Variants in PAK5 observed in about 807,000 individuals in gnomAD.
The protein encoded by PAK5 is serine/threonine-protein kinase PAK 5.
In PAK5, 16 loss-of-function variants were observed where a neutral mutation model predicts 65.9. The ratio of observed to expected loss-of-function variants is 0.24; its 90% CI spans 0.16 to 0.37. The LOEUF (loss-of-function observed/expected upper bound fraction) is 0.37, where lower values mean the gene tolerates loss of function less well. PAK5 is among the 10% of genes least tolerant of loss of function. The pLI is 1.00. For missense variants in PAK5, 785 were observed against 903.9 expected (o/e 0.87, Z 1.69); for synonymous variants, 371 against 354.9 (o/e 1.05, Z -0.51).
chr20:9,597,945 A>G (rs918991048), intron 3 of PAK5, among the ~76,000 whole-genome samples: 2 of 152,350 alleles, frequency 1.3e-5, no homozygotes, highest in South Asian at 2.1e-4. Context: ...GAGGAACAAT[A>G]AACAGTTTTT....
chr20:9,729,723 C>A (rs2048314792), intron 1 of PAK5, among the ~76,000 whole-genome samples: 1 of 152,164 alleles, frequency 6.6e-6, no homozygotes, highest in African/African-American at 2.4e-5. Context: ...ATATATCTAT[C>A]CCCACTGCAG....
chr20:9,688,192 G>A (rs1371923304), intron 2 of PAK5, among the ~76,000 whole-genome samples: 10 of 152,032 alleles, frequency 6.6e-5, no homozygotes, highest in African/African-American at 2.4e-4. Context: ...TTTAAACAGA[G>A]GGCAGACTTT....
At chr20:9,793,494 C>A (rs1235829448) in intron 1 of PAK5, among the ~76,000 whole-genome samples, 2 of 151,960 alleles carry the variant, frequency 1.3e-5, no homozygotes. Flanking sequence ...GAATTCATAT[C>A]CTTTGCCCAC....
intron 1 of PAK5, among the ~76,000 whole-genome samples, chr20:9,738,439 T>C (rs1248328565): frequency 6.6e-6 from 1 of 152,186 alleles, no homozygotes; most frequent in Non-Finnish European, 1.5e-5. Context: ...GGTGAATGTA[T>C]AAACAACTTG....
rs573193841 is a variant in PAK5, at chr20:9,773,581, T to C, written c.-161-62146A>G. Among the ~76,000 whole-genome samples the C allele has an allele frequency of 1.2e-4, 19 of 152,210 alleles. 1 individual carries two copies. The South Asian group carries it at 3.9e-3, about 32-fold the overall frequency. ...AGCCAAGTTACACATTGACTTGATG[T>C]GGCTAGGAAGTATATGAGAAAGAGA... On this transcript the variant is annotated intron_variant, in intron 1 of 9. Coordinates refer to ENST00000353224, the MANE Select transcript of PAK5 (RefSeq NM_177990.4).
chr20:9,743,351 CAGAT>C (rs1407808292), intron 1 of PAK5, among the ~76,000 whole-genome samples: 3 of 151,070 alleles, frequency 2.0e-5, no homozygotes, highest in Admixed American at 6.6e-5. Context: ...GCATGGGTGA[CAGAT>C]AGAGCAAGAC....
chr20:9,719,868 G>A (rs2048193990), intron 1 of PAK5, among the ~76,000 whole-genome samples: 1 of 152,120 alleles, frequency 6.6e-6, no homozygotes, highest in South Asian at 2.1e-4. Context: ...ATACTGTAAG[G>A]TACTACACAA....
At chr20:9,591,825 T>C (rs2046176943) in intron 3 of PAK5, among the ~76,000 whole-genome samples, 1 of 152,176 alleles carries the variant, frequency 6.6e-6, no homozygotes, top group Non-Finnish European at 1.5e-5. Flanking sequence ...TAAATTTAAA[T>C]TTCTGTTGTT....
intron 2 of PAK5, among the ~76,000 whole-genome samples, chr20:9,675,306 C>G (rs943892445): frequency 1.3e-5 from 2 of 152,092 alleles, no homozygotes; most frequent in Non-Finnish European, 2.9e-5. Flanking sequence ...AGAGGAGATT[C>G]TTTTCTAATG....
intron 6 of PAK5, among the ~76,000 whole-genome samples, chr20:9,558,652 C>T (rs887675753): frequency 6.6e-6 from 1 of 152,188 alleles, no homozygotes; most frequent in African/African-American, 2.4e-5. Flanking sequence ...CTGGGACCCA[C>T]CCTACTTCCC....
chr20:9,817,820 AT>A (rs2049375726), intron 1 of PAK5, among the ~76,000 whole-genome samples: 1 of 152,146 alleles, frequency 6.6e-6, no homozygotes, highest in African/African-American at 2.4e-5. Context: ...ACACTCTATG[AT>A]TTATGTCAAA....
At chr20:9,544,566 A>G in intron 7 of PAK5, 72 bp from the exon 8 acceptor site, 2 of 1,407,682 alleles carry the variant, frequency 1.4e-6, no homozygotes, top group Non-Finnish European at 2.0e-6. Flanking sequence ...ATACAAACAT[A>G]CAGAGTTTCA....
At chr20:9,749,650 A>G (rs931063815) in intron 1 of PAK5, among the ~76,000 whole-genome samples, 1 of 152,196 alleles carries the variant, frequency 6.6e-6, no homozygotes, top group Non-Finnish European at 1.5e-5. Context: ...CCTGCCTTTT[A>G]TAATATTTAT....
chr20:9,750,966 A>G (rs1178209851), intron 1 of PAK5, among the ~76,000 whole-genome samples: 1 of 152,188 alleles, frequency 6.6e-6, no homozygotes, highest in Admixed American at 6.5e-5. Flanking sequence ...GAAAGTTGAC[A>G]GTGTATGGCA....
chr20:9,537,832 G>A lies in PAK5; in HGVS notation c.*1630C>T, dbSNP rs1322683354. On this transcript the variant is annotated 3_prime_UTR_variant, in exon 10 of 10. Coordinates refer to ENST00000353224, the MANE Select transcript of PAK5 (RefSeq NM_177990.4). ...TTATGGAGGCATTTCCAGTTTGAAA[G>A]AAAACTGAAAATCTAATCAGTAGAA... The A allele has an allele frequency of 2.2e-5, 5 of 225,538 alleles. No individual in the cohort carries two copies. In the East Asian group the frequency reaches 3.2e-4, roughly 15 times the overall value. 14.0% of individuals were successfully genotyped at this position (225,538 alleles called of 1,614,324 possible).
intron 1 of PAK5, among the ~76,000 whole-genome samples, chr20:9,780,658 C>T (rs2048931684): frequency 6.6e-6 from 1 of 151,870 alleles, no homozygotes; most frequent in Non-Finnish European, 1.5e-5. Context: ...TAGTTATTTT[C>T]CTCCCATACC....
chr20:9,750,542 T>C (rs531194604), intron 1 of PAK5, among the ~76,000 whole-genome samples: 1 of 152,274 alleles, frequency 6.6e-6, no homozygotes, highest in South Asian at 2.1e-4. Flanking sequence ...GGTTAGCATT[T>C]TCTGTTGGAG....
At chr20:9,822,170 T>C (rs2049429339) in intron 1 of PAK5, among the ~76,000 whole-genome samples, 1 of 151,792 alleles carries the variant, frequency 6.6e-6, no homozygotes, top group African/African-American at 2.4e-5. Context: ...ATCTCTGTAG[T>C]CACAGCTTCT....
chr20:9,591,314 A>G (rs1213044271), intron 3 of PAK5, among the ~76,000 whole-genome samples: 1 of 151,876 alleles, frequency 6.6e-6, no homozygotes, highest in African/African-American at 2.4e-5. Context: ...AAACCACAAC[A>G]CCCTGTCAGC....
Sources: gnomAD v4.1 joint callset for allele counts (sites outside exome capture counted in the v4.1 genomes callset) on GRCh38, gnomAD v4.1.1 for gene constraint, MANE v1.5 for transcripts, NCBI Gene and HGNC (gene_info 2026-07-23, HGNC 2026-07-21) for gene names.